Variants in RABGEF1 observed in about 807,000 individuals in gnomAD.
The protein encoded by RABGEF1 is RAB guanine nucleotide exchange factor 1.
RABGEF1 carries 26 observed loss-of-function variants against 57.3 expected under a neutral mutation model. That is an observed-to-expected ratio of 0.45 (90% CI 0.33 to 0.63). RABGEF1 has a LOEUF of 0.63. Among genes scored for constraint, RABGEF1 ranks in the 20% least tolerant of loss-of-function variants. The probability of loss-of-function intolerance (pLI) is 0.02; values close to 1 mark genes in which losing one functional copy is unlikely to be tolerated. For synonymous variants in RABGEF1, 185 were observed against 210.7 expected (o/e 0.88, Z 1.06); for missense variants, 464 against 607.6 (o/e 0.76, Z 2.48).
the RABGEF1 span, among the ~76,000 whole-genome samples, chr7:66,666,823 G>C: frequency 6.6e-6 from 1 of 152,228 alleles, no homozygotes. Flanking sequence ...GAGTTCCAGG[G>C]CTCCTTGGAG....
chr7:66,781,512 C>T (rs1033484273), intron 3 of RABGEF1, among the ~76,000 whole-genome samples: 5 of 152,168 alleles, frequency 3.3e-5, no homozygotes, highest in Admixed American at 6.5e-5. Flanking sequence ...TATCCCTCCC[C>T]TTGTCCCCCA....
chr7:66,730,557 C>CTTTT (rs888301191), intron 2 of RABGEF1, among the ~76,000 whole-genome samples: 5 of 130,852 alleles, frequency 3.8e-5, no homozygotes, highest in South Asian at 2.5e-4. Context: ...GTTTCTTTTT[C>CTTTT]TTTTTTTTTT....
rs77799011 is a variant in RABGEF1, at chr7:66,698,516, C to T, written c.-872-13651C>T. On this transcript the variant is annotated intron_variant and NMD_transcript_variant, in intron 1 of 9. Transcript: ENST00000607882. Reference sequence around the variant, plus strand: ...AGTTCCTTGGTTTGGAGCAGGAGCCCGGGTCTGGACGATGGGTGAGGGGAG... The same window carrying T: ...AGTTCCTTGGTTTGGAGCAGGAGCCTGGGTCTGGACGATGGGTGAGGGGAG... Among the ~76,000 whole-genome samples, 1,046 of 152,272 alleles carry T rather than the reference C, an allele frequency of 6.9e-3. 14 individuals are homozygous for T. Among genetic ancestry groups the T allele is most frequent in the African/African-American group, 0.024 (980 of 41,560 alleles).
At chr7:66,697,733 C>G (rs73377554) in intron 1 of RABGEF1, among the ~76,000 whole-genome samples, 37 of 152,126 alleles carry the variant, frequency 2.4e-4, no homozygotes, top group East Asian at 1.9e-4. Context: ...GGGGGGTGTT[C>G]ATGTTTGAAG....
the RABGEF1 span, among the ~76,000 whole-genome samples, chr7:66,656,364 G>T: frequency 2.0e-5 from 3 of 150,172 alleles, no homozygotes; most frequent in Non-Finnish European, 4.4e-5. Flanking sequence ...CAATCCTCCC[G>T]CCTCAAGTCT....
At chr7:66,777,237 GAAATAGTAAA>G (rs1445454772) in intron 3 of RABGEF1, among the ~76,000 whole-genome samples, 3 of 152,250 alleles carry the variant, frequency 2.0e-5, no homozygotes, top group Admixed American at 1.3e-4. Context: ...GATAACAGAT[GAAATAGTAAA>G]ACAAGTATAA....
chr7:66,686,978 C>T (rs1252776582), intron 1 of RABGEF1, among the ~76,000 whole-genome samples: 1 of 151,344 alleles, frequency 6.6e-6, no homozygotes, highest in Admixed American at 6.6e-5. Context: ...CCCACCACCA[C>T]GCCTGGCAAA....
At chr7:66,779,104 C>T (rs755863390) in intron 3 of RABGEF1, among the ~76,000 whole-genome samples, 4 of 151,472 alleles carry the variant, frequency 2.6e-5, no homozygotes, top group Non-Finnish European at 5.9e-5. Context: ...AGTGAGACTC[C>T]GTCTTAAAAA....
chr7:66,708,361 C>A (rs986095248), intron 1 of RABGEF1, among the ~76,000 whole-genome samples: 1 of 151,934 alleles, frequency 6.6e-6, no homozygotes, highest in Admixed American at 6.6e-5. Context: ...AATCTTGGCT[C>A]ACTGCAACCT....
intron 2 of RABGEF1, among the ~76,000 whole-genome samples, chr7:66,772,631 G>A (rs868560355): frequency 5.3e-5 from 8 of 152,164 alleles, no homozygotes; most frequent in African/African-American, 1.7e-4. Context: ...ACGATGGGCC[G>A]GGCGCAGTGG....
chr7:66,761,050 T>C (rs745623793), intron 1 of RABGEF1, among the ~76,000 whole-genome samples: 17 of 152,236 alleles, frequency 1.1e-4, no homozygotes, highest in Non-Finnish European at 1.8e-4. Flanking sequence ...AACAAAGAAT[T>C]GAGAACCTGT....
At chr7:66,776,689 T>C (rs1398186265) in intron 3 of RABGEF1, among the ~76,000 whole-genome samples, 2 of 152,010 alleles carry the variant, frequency 1.3e-5, no homozygotes, top group Non-Finnish European at 2.9e-5. Context: ...AGCAAGACCC[T>C]GTCTAAAAAA....
upstream of RABGEF1, among the ~76,000 whole-genome samples, chr7:66,739,656 TCAAAAAAA>T (rs1562758758): frequency 4.1e-5 from 1 of 24,642 alleles, no homozygotes. Flanking sequence ...AGTGAGAGTC[TCAAAAAAA>T]AAAAAAAAAA....
At chr7:66,757,644 C>T (rs1164800911) in intron 1 of RABGEF1, among the ~76,000 whole-genome samples, 1 of 152,218 alleles carries the variant, frequency 6.6e-6, no homozygotes, top group Non-Finnish European at 1.5e-5. Flanking sequence ...TGGAGTCTCG[C>T]TCTGCCGCCC....
In RABGEF1 at chr7:66,766,255, G is replaced by C. The variant is rs559069017; in HGVS notation, c.-17-5628G>C. ...GCTCGGGAAGTCAAGGCTGCAGTGA[G>C]CTGTGATCACGCCACTGCACTCTAG... On this transcript the variant is annotated intron_variant, in intron 1 of 8. Transcript: ENST00000284957. Among the ~76,000 whole-genome samples the C allele has an allele frequency of 1.4e-4, 21 of 150,924 alleles. No individual in the cohort carries two copies. The South Asian group carries it at 4.4e-3, about 32-fold the overall frequency.
chr7:66,683,533 A>G (rs1304410074), intron 1 of RABGEF1, among the ~76,000 whole-genome samples: 1 of 152,124 alleles, frequency 6.6e-6, no homozygotes, highest in Non-Finnish European at 1.5e-5. Context: ...CAGTGTGGTA[A>G]GGAGTGTGAG....
chr7:66,766,685 C>T (rs1341870343), intron 1 of RABGEF1, among the ~76,000 whole-genome samples: 4 of 151,928 alleles, frequency 2.6e-5, no homozygotes, highest in Admixed American at 2.0e-4. Context: ...TACCACCCGT[C>T]GTCTTTCCAT....
intron 1 of RABGEF1, among the ~76,000 whole-genome samples, chr7:66,708,161 C>T (rs1374816744): frequency 2.0e-5 from 3 of 152,016 alleles, no homozygotes; most frequent in Non-Finnish European, 4.4e-5. Context: ...TCTGTAGATA[C>T]TCTCTAGTAC....
intron 1 of RABGEF1, among the ~76,000 whole-genome samples, chr7:66,690,273 G>C (rs1308926514): frequency 6.6e-6 from 1 of 150,860 alleles, no homozygotes; most frequent in East Asian, 2.0e-4. Flanking sequence ...GCTAATTTTT[G>C]TATTTTTAGT....
Sources: allele counts gnomAD v4.1 joint callset (sites outside exome capture counted in the v4.1 genomes callset), GRCh38; gene constraint gnomAD v4.1.1; transcripts MANE v1.5; gene names NCBI Gene and HGNC (gene_info 2026-07-23, HGNC 2026-07-21).